CDH4: variants seen among roughly 807,000 people sequenced by gnomAD.
The protein encoded by CDH4 is cadherin 4, also known as cadherin-4.
In CDH4, 33 loss-of-function variants were observed where a neutral mutation model predicts 86.0. The observed-to-expected ratio is 0.38, with a 90% CI of 0.29 to 0.51. The LOEUF (loss-of-function observed/expected upper bound fraction) is 0.51. Ranked by LOEUF, CDH4 falls within the 20% of genes least tolerant of loss-of-function variation. The pLI is 0.86. For synonymous variants in CDH4, 555 were observed against 549.4 expected (o/e 1.01, Z -0.14); for missense variants, 1,114 against 1,307.4 (o/e 0.85, Z 2.28).
intron 4 of CDH4, among the ~76,000 whole-genome samples, chr20:61,814,963 C>T (rs970950535): frequency 6.6e-6 from 1 of 152,152 alleles, no homozygotes; most frequent in African/African-American, 2.4e-5. Context: ...TGTTCTAGTG[C>T]CCGTGTAAGC....
chr20:61,752,054 AG>A (rs1370670007), intron 3 of CDH4, among the ~76,000 whole-genome samples: 1 of 152,236 alleles, frequency 6.6e-6, no homozygotes, highest in African/African-American at 2.4e-5. Flanking sequence ...AACTTCTGCC[AG>A]GTGCGGTGGC....
At chr20:61,599,140 A>C (rs895134109) in intron 2 of CDH4, among the ~76,000 whole-genome samples, 1 of 152,096 alleles carries the variant, frequency 6.6e-6, no homozygotes, top group Non-Finnish European at 1.5e-5. Flanking sequence ...ATCTCCCACC[A>C]TGGTGCTGCC....
chr20:61,880,681 C>A (rs1331794914), intron 7 of CDH4, among the ~76,000 whole-genome samples: 1 of 152,220 alleles, frequency 6.6e-6, no homozygotes, highest in African/African-American at 2.4e-5. Context: ...GGCCGCCACC[C>A]CTGGCCTTGG....
Position 61,657,057 on chromosome 20 carries a change from G to A in CDH4, c.170-86506G>A, listed in dbSNP as rs73148346. 6.3e-3 allele frequency among the ~76,000 whole-genome samples: 964 copies of A among 152,330 alleles called. 4 individuals are homozygous for A. The highest frequency in any genetic ancestry group is 0.014 in the Middle Eastern group (4 of 294). On this transcript the variant is annotated intron_variant, in intron 2 of 15. Transcript: ENST00000614565. ...AGTCTAGAGCCATTCTTGGGCCAGA[G>A]CAGACGCCTGGCAATATTTGAGCAA...
chr20:61,258,347 A>AAAAAAAAG (rs1568770418), intron 2 of CDH4, among the ~76,000 whole-genome samples: 22 of 109,928 alleles, frequency 2.0e-4, no homozygotes, highest in African/African-American at 7.8e-4. Context: ...AAAAAAAAAG[A>AAAAAAAAG]AAAAAAAAAA....
At position 61,929,621 on chromosome 20, in the gene CDH4, A is replaced by G; in HGVS notation, c.2018A>G (p.Gln673Arg). 1 of 1,613,834 alleles carries G rather than the reference A, an allele frequency of 6.2e-7. No homozygotes were observed. Among genetic ancestry groups the G allele is most frequent in the Non-Finnish European group, 8.5e-7 (1 of 1,179,942 alleles). The part of the protein sequence containing the change: ...TITRLNGDYA[Q>R]LSLRILYLEA... ...TGCTTTGCACCAGGTGACTATGCCCAACTCAGCTTGCGCATCCTGTACCTG... is the reference window on the plus strand; with the variant it reads ...TGCTTTGCACCAGGTGACTATGCCCGACTCAGCTTGCGCATCCTGTACCTG... Residue 673 changes from glutamine (Q) to arginine (R), a missense_variant, in exon 13 of 16, where the codon CAA becomes CGA. By Grantham distance (43) the Gln-to-Arg change is conservative (BLOSUM62 1). Transcript: ENST00000614565.
intron 2 of CDH4, among the ~76,000 whole-genome samples, chr20:61,702,150 T>C (rs1002123185): frequency 1.2e-4 from 18 of 152,370 alleles, no homozygotes; most frequent in Admixed American, 2.6e-4. Context: ...GTTCTCATGC[T>C]GAGAGTTGGC....
intron 2 of CDH4, among the ~76,000 whole-genome samples, chr20:61,357,486 G>A (rs368012938): frequency 6.6e-6 from 1 of 152,144 alleles, no homozygotes; most frequent in East Asian, 1.9e-4. Flanking sequence ...GAGGTCTCAC[G>A]TGAGCTCTTC....
Position 61,448,430 on chromosome 20 carries a change from C to T in CDH4, c.169+193493C>T, listed in dbSNP as rs550178004. Reference sequence around the variant, plus strand: ...TTTGATGTTGTTTGCTACTCGCACCCAACAGAGTACGGTTAATCATACATC... The same window carrying T: ...TTTGATGTTGTTTGCTACTCGCACCTAACAGAGTACGGTTAATCATACATC... On this transcript the variant is annotated intron_variant, in intron 2 of 15. Transcript: ENST00000614565. 3.3e-5 allele frequency among the ~76,000 whole-genome samples: 5 copies of T among 152,224 alleles called. No homozygotes were observed. In the East Asian group the frequency reaches 9.6e-4, roughly 29 times the overall value.
chr20:61,924,270 T>A, intron 10 of CDH4, 64 bp from the exon 11 acceptor site: 1 of 1,533,412 alleles, frequency 6.5e-7, no homozygotes. Context: ...CAAGGAGGCC[T>A]GGGATCCAGG....
intron 2 of CDH4, among the ~76,000 whole-genome samples, chr20:61,403,653 C>T (rs2085062867): frequency 6.6e-6 from 1 of 152,144 alleles, no homozygotes; most frequent in Non-Finnish European, 1.5e-5. Flanking sequence ...GCATTATTCT[C>T]CAGAAGGCCG....
In CDH4 at chr20:61,852,742, C is replaced by T. The variant is rs1982784231; in HGVS notation, c.733-12C>T. The stretch of plus-strand genomic sequence containing the variant: ...CACCCGCCACTGGGCCCTGTCTCTG[C>T]TGCTTTTCCAGCTCCGAGCCCACGC... On this transcript the variant is annotated splice_polypyrimidine_tract_variant and intron_variant, in intron 5 of 15. Coordinates refer to ENST00000614565, the MANE Select transcript of CDH4 (RefSeq NM_001794.5). The T allele has an allele frequency of 1.9e-6, 3 of 1,606,414 alleles. No homozygotes were observed. The South Asian group carries it at 3.3e-5, about 18-fold the overall frequency.
At chr20:61,361,816 G>A (rs550914880) in intron 2 of CDH4, among the ~76,000 whole-genome samples, 3 of 152,328 alleles carry the variant, frequency 2.0e-5, no homozygotes, top group South Asian at 4.1e-4. Flanking sequence ...CGGGGTGCCT[G>A]CCCGCAAGAA....
rs925680831 is a variant in CDH4 at position 61,467,674 on chromosome 20, T to G, written c.169+212737T>G. On this transcript the variant is annotated intron_variant, in intron 2 of 15. Transcript: ENST00000614565. ...AAAGAGCAGGAGACCTTCTTATTCA[T>G]GAAGACTCTGTGGTTCTTAATCAGT... 2.0e-5 allele frequency among the ~76,000 whole-genome samples: 3 copies of G among 152,354 alleles called. No homozygotes were observed. The East Asian group carries it at 5.8e-4, about 29-fold the overall frequency.
intron 2 of CDH4, among the ~76,000 whole-genome samples, chr20:61,296,181 A>G (rs1047620780): frequency 1.3e-5 from 2 of 151,650 alleles, no homozygotes; most frequent in Admixed American, 6.6e-5. Context: ...AATAAGTATG[A>G]GTGTGTGCGT....
chr20:61,373,708 T>C (rs1309077134), intron 2 of CDH4, among the ~76,000 whole-genome samples: 1 of 152,196 alleles, frequency 6.6e-6, no homozygotes, highest in Non-Finnish European at 1.5e-5. Flanking sequence ...GGGGCTGTTT[T>C]GTCCACTGAG....
intron 2 of CDH4, among the ~76,000 whole-genome samples, chr20:61,512,146 C>T (rs991367709): frequency 2.6e-5 from 4 of 152,052 alleles, no homozygotes; most frequent in African/African-American, 9.7e-5. Flanking sequence ...GGGCGAGGCT[C>T]CTGTCCTGCA....
chr20:61,373,180 C>T (rs1349603660), intron 2 of CDH4, among the ~76,000 whole-genome samples: 4 of 152,150 alleles, frequency 2.6e-5, no homozygotes, highest in Admixed American at 6.5e-5. Context: ...CCGCCCCCGT[C>T]TCAACACCCA....
intron 2 of CDH4, among the ~76,000 whole-genome samples, chr20:61,653,280 A>G (rs1365399042): frequency 3.0e-5 from 4 of 133,966 alleles, no homozygotes; most frequent in African/African-American, 1.1e-4. Flanking sequence ...CAGGATCCCA[A>G]GGCAGAAGAA....
Sources: gnomAD v4.1 joint callset for allele counts (sites outside exome capture counted in the v4.1 genomes callset) on GRCh38, gnomAD v4.1.1 for gene constraint, MANE v1.5 for transcripts, NCBI Gene and HGNC (gene_info 2026-07-23, HGNC 2026-07-21) for gene names.